Variants in FKBP15 observed in about 807,000 individuals in gnomAD.
FKBP15 encodes FK506-binding protein 15.
A neutral mutation model predicts 158.1 loss-of-function variants in FKBP15; 106 were observed. That is an observed-to-expected ratio of 0.67 (90% CI 0.57 to 0.79). FKBP15 has a LOEUF of 0.79. Ranked by LOEUF, FKBP15 falls within the 30% of genes least tolerant of loss-of-function variation. FKBP15 has a pLI of 0.00. For missense variants in FKBP15, 1,287 were observed against 1,479.1 expected, an observed-to-expected ratio of 0.87 and a Z score of 2.13; for synonymous variants, 547 against 548.6, an observed-to-expected ratio of 1.00 and a Z score of 0.04.
In FKBP15 at chr9:113,164,301, C is replaced by T. The variant is rs1217281686; in HGVS notation, c.*1777G>A. Reference sequence around the variant, plus strand: ...CAAAGACAACTCTGCTCAGGGAAACCCAGCCCTGAAATGCTGCACCCAGGT... The same window carrying T: ...CAAAGACAACTCTGCTCAGGGAAACTCAGCCCTGAAATGCTGCACCCAGGT... On this transcript the variant is annotated 3_prime_UTR_variant, in exon 28 of 28. Transcript: ENST00000238256. The T allele has an allele frequency of 6.6e-6, 1 of 152,118 alleles. No homozygotes were observed. Among genetic ancestry groups the T allele is most frequent in the Admixed American group, 6.5e-5 (1 of 15,268 alleles). The allele number at this position is 152,118 out of a possible 1,614,324, so 9.4% of individuals were successfully genotyped here. A position where few individuals can be genotyped will look rare whatever the true frequency, so the allele number is the denominator to read the frequency against.
chr9:113,178,687 G>A lies in FKBP15; in HGVS notation c.2029C>T (p.Leu677=). The change falls in exon 20 of 28, where the codon CTG becomes TTG. Residue 677 remains leucine, a synonymous_variant. Transcript: ENST00000238256. ...CCCCTGAGAAGATCTGTCTCCTTCA[G>A]GCTTTCTGTCAGCTGCATCTGCAGC... The part of the protein sequence containing the change: ...TELQMQLTES[L]KETDLLRGQL... 1 of 1,610,048 alleles carries A rather than the reference G, an allele frequency of 6.2e-7. No individual in the cohort carries two copies. Among genetic ancestry groups the A allele is most frequent in the South Asian group, 1.1e-5 (1 of 89,914 alleles).
intron 1 of FKBP15, among the ~76,000 whole-genome samples, chr9:113,214,277 G>A (rs1254719817): frequency 6.6e-6 from 1 of 152,226 alleles, no homozygotes; most frequent in East Asian, 1.9e-4. Flanking sequence ...TTACAGGTGT[G>A]AGCCACTGTG....
chr9:113,197,903 G>A (rs1830717245), intron 8 of FKBP15, among the ~76,000 whole-genome samples: 1 of 152,176 alleles, frequency 6.6e-6, no homozygotes, highest in South Asian at 2.1e-4. Flanking sequence ...TAACTGCTAA[G>A]ATCTATGGGA....
At chr9:113,166,240 C>G in intron 27 of FKBP15, 85 bp from the exon 28 acceptor site, 7 of 1,226,904 alleles carry the variant, frequency 5.7e-6, no homozygotes, top group Admixed American at 2.0e-5. Context: ...AATCCAACTT[C>G]TGTTCCCAGC....
chr9:113,170,419 A>G, intron 25 of FKBP15, 103 bp downstream of exon 25: 1 of 851,092 alleles, frequency 1.2e-6, no homozygotes, highest in Non-Finnish European at 1.9e-6. Context: ...AGCATAAGCC[A>G]CTGTGCCAGC....
rs533326676 is a variant in FKBP15 at position 113,161,087 on chromosome 9, A to G, written c.*4991T>C. Reference sequence around the variant, plus strand: ...AAAAGAAACCTTAGAAAGTTAGGCAAGAACATAAAAACCACCTGTATCCTA... The same window carrying G: ...AAAAGAAACCTTAGAAAGTTAGGCAGGAACATAAAAACCACCTGTATCCTA... On this transcript the variant is annotated 3_prime_UTR_variant, in exon 28 of 28. Coordinates refer to ENST00000238256, the MANE Select transcript of FKBP15 (RefSeq NM_015258.2). The G allele has an allele frequency of 6.4e-6, 1 of 157,162 alleles. No homozygotes were observed. Among genetic ancestry groups the G allele is most frequent in the African/African-American group, 2.4e-5 (1 of 41,680 alleles). 9.7% of individuals were successfully genotyped at this position (157,162 alleles called of 1,614,324 possible).
chr9:113,172,433 C>A (rs1307408640), intron 23 of FKBP15, among the ~76,000 whole-genome samples: 1 of 152,112 alleles, frequency 6.6e-6, no homozygotes, highest in East Asian at 1.9e-4. Context: ...CACTGTCTTC[C>A]ACAATGGTTG....
At chr9:113,185,583 CA>C in intron 15 of FKBP15, among the ~76,000 whole-genome samples, 1 of 152,312 alleles carries the variant, frequency 6.6e-6, no homozygotes, top group South Asian at 2.1e-4. Flanking sequence ...CAGAACAAGG[CA>C]GGATTCCATC....
intron 13 of FKBP15, among the ~76,000 whole-genome samples, 188 bp downstream of exon 13, chr9:113,188,201 C>T (rs1830515940): frequency 6.6e-6 from 1 of 152,186 alleles, no homozygotes; most frequent in African/African-American, 2.4e-5. Context: ...AAGTCACAAC[C>T]AGCAGCCAGG....
intron 6 of FKBP15, among the ~76,000 whole-genome samples, chr9:113,200,925 T>C (rs1420843027): frequency 6.6e-6 from 1 of 151,558 alleles, no homozygotes; most frequent in Non-Finnish European, 1.5e-5. Context: ...GCGCCTGTAG[T>C]CCCAGCTACT....
Position 113,217,608 on chromosome 9 carries a change from G to C in FKBP15, c.53+3583C>G, listed in dbSNP as rs10981692. Among the ~76,000 whole-genome samples, 37 of 152,318 alleles carry C rather than the reference G, an allele frequency of 2.4e-4. No individual in the cohort carries two copies. In the East Asian group the frequency reaches 6.8e-3, roughly 28 times the overall value. ...GCATGGTGGCTCACTCTCAGAGGCT[G>C]AGACAGGAGGACTGCTTGAGGCCAG... On this transcript the variant is annotated intron_variant, in intron 1 of 27. Transcript: ENST00000238256.
At chr9:113,170,393 A>T in intron 25 of FKBP15, 129 bp downstream of exon 25, 1 of 711,676 alleles carries the variant, frequency 1.4e-6, no homozygotes, top group Non-Finnish European at 2.4e-6. Context: ...TGGCCTCCCA[A>T]AATGCTGGGA....
rs1326708549 is a variant in FKBP15, at chr9:113,161,928, T to G, written c.*4150A>C. 1.9e-5 allele frequency: 12 copies of G among 641,036 alleles called. No homozygotes were observed. Among genetic ancestry groups the G allele is most frequent in the Non-Finnish European group, 3.4e-5 (12 of 356,432 alleles). 39.7% of individuals were successfully genotyped at this position (641,036 alleles called of 1,614,324 possible). A position where few individuals can be genotyped will look rare whatever the true frequency, so the allele number is the denominator to read the frequency against. On this transcript the variant is annotated 3_prime_UTR_variant, in exon 28 of 28. Coordinates refer to ENST00000238256, the MANE Select transcript of FKBP15 (RefSeq NM_015258.2). Reference sequence around the variant, plus strand: ...AGCCACTTGAGAGGCTCAGAAGGCTTTCTTTAGGGAACAGTGATCTTCAGG... The same window carrying G: ...AGCCACTTGAGAGGCTCAGAAGGCTGTCTTTAGGGAACAGTGATCTTCAGG...
chr9:113,192,351 T>A (rs911229793), intron 11 of FKBP15, among the ~76,000 whole-genome samples: 3 of 152,224 alleles, frequency 2.0e-5, no homozygotes, highest in Non-Finnish European at 4.4e-5. Flanking sequence ...AACTATTCTG[T>A]TTCCCAGTGC....
In FKBP15 at chr9:113,198,904, T is replaced by C; in HGVS notation, c.668A>G (p.Asn223Ser). The C allele has an allele frequency of 6.2e-7, 1 of 1,604,914 alleles. No individual in the cohort carries two copies. The highest frequency in any genetic ancestry group is 8.5e-7 in the Non-Finnish European group (1 of 1,175,294). Reference sequence around the variant, plus strand: ...CTTCAAGCGAAGCAACTTATCTTTGTTAGCAGTGGAGTCGAAAACCTGCAA... The same window carrying C: ...CTTCAAGCGAAGCAACTTATCTTTGCTAGCAGTGGAGTCGAAAACCTGCAA... ...VLGQVFDSTA[N>S]KDKLLRLKLG... Residue 223 changes from asparagine to serine, a missense_variant, in exon 8 of 28, where the codon AAC (asparagine) becomes AGC (serine). Coordinates refer to ENST00000238256, the MANE Select transcript of FKBP15 (RefSeq NM_015258.2). The surrounding 1 kb of genome is among the most constrained non-coding windows in gnomAD (Gnocchi z 5.2).
At position 113,186,237 on chromosome 9, in the gene FKBP15, A is replaced by C. The variant is rs1255191374; in HGVS notation, c.1498+12T>G. The C allele has an allele frequency of 2.0e-6, 3 of 1,538,200 alleles. No individual in the cohort carries two copies. In the Admixed American group the frequency reaches 5.9e-5, roughly 30 times the overall value. Reference sequence around the variant, plus strand: ...GAGCGGAAGATGAGAAACTGAGGGAATTACTCCCTACCTTGGAAATGGGGA... The same window carrying C: ...GAGCGGAAGATGAGAAACTGAGGGACTTACTCCCTACCTTGGAAATGGGGA... On this transcript the variant is annotated intron_variant, in intron 15 of 27. Transcript: ENST00000238256.
Position 113,185,298 on chromosome 9 carries a change from C to T in FKBP15, c.1499-494G>A, listed in dbSNP as rs147408592. ...TATAAAAGTAGCACAGAGAAAAGCA[C>T]GATTAACTCTTTGGTGACACGCGTA... On this transcript the variant is annotated intron_variant, in intron 15 of 27. Transcript: ENST00000238256. Among the ~76,000 whole-genome samples the T allele has an allele frequency of 1.6e-3, 249 of 152,214 alleles. 11 individuals are homozygous for T. Among genetic ancestry groups the T allele is most frequent in the Non-Finnish European group, 1.5e-3 (102 of 68,018 alleles).
At position 113,183,744 on chromosome 9, in the gene FKBP15, T is replaced by C; in HGVS notation, c.1811+7A>G. On this transcript the variant is annotated splice_region_variant and intron_variant, in intron 18 of 27. Transcript: ENST00000238256. ...CCATCCTAGCCAGGCCCCGTACCTG[T>C]CATTACCTCTGATTTCGTTCAATTA... 2 of 1,604,914 alleles carry C rather than the reference T, an allele frequency of 1.2e-6. No homozygotes were observed. The highest frequency in any genetic ancestry group is 1.7e-6 in the Non-Finnish European group (2 of 1,171,816).
chr9:113,200,591 T>C (rs1190808047), intron 6 of FKBP15, among the ~76,000 whole-genome samples: 1 of 152,230 alleles, frequency 6.6e-6, no homozygotes, highest in African/African-American at 2.4e-5. Context: ...ATTCTATTTA[T>C]GAATAATTAT....
Sources: gnomAD v4.1 joint callset for allele counts (sites outside exome capture counted in the v4.1 genomes callset) on GRCh38, gnomAD v4.1.1 for gene constraint, Gnocchi (gnomAD v3.1) non-coding constraint, MANE v1.5 for transcripts, NCBI Gene and HGNC (gene_info 2026-07-23, HGNC 2026-07-21) for gene names.